Variants in CDH19 observed in about 807,000 individuals in gnomAD.
CDH19 encodes cadherin-19.
Under a neutral mutation model 64.2 loss-of-function variants are expected in CDH19, and 67 were observed. That is an observed-to-expected ratio of 1.04 (90% CI 0.86 to 1.28). CDH19 has a LOEUF of 1.28. Among genes scored for constraint, CDH19 ranks in the 50% most tolerant of loss-of-function variants. CDH19 has a pLI of 0.00. For missense variants in CDH19, 1,030 were observed against 929.0 expected (o/e 1.11, Z -1.41); for synonymous variants, 346 against 319.3 (o/e 1.08, Z -0.89).
At position 66,504,882 on chromosome 18, in the gene CDH19, AG is replaced by A. The variant is rs1393660400; in HGVS notation, c.2248del (p.Asn751MetfsTer10). ...TTTAAAGCGAGGTCCCAACTCATTA[AG>A]GTAATCATAGCTTTCATCCTGATCA... ...VSDQDESYDYLNELGPRFKRL... is the reference protein window; with the variant it reads ...VSDQDESYDYXNELGPRFKRL... On this transcript the variant is annotated frameshift_variant, in exon 12 of 12. Transcript: ENST00000262150. LOFTEE classifies it high-confidence loss of function. 2.0e-5 allele frequency: 32 copies of A among 1,613,200 alleles called. No individual in the cohort carries two copies. The highest frequency in any genetic ancestry group is 2.7e-5 in the Non-Finnish European group (32 of 1,179,552).
chr18:66,507,290 ATG>A (rs539569977), intron 11 of CDH19, among the ~76,000 whole-genome samples: 106 of 152,088 alleles, frequency 7.0e-4, no homozygotes, highest in South Asian at 4.3e-3. Flanking sequence ...GTAGGTGTAA[ATG>A]AGGAATGGAT....
chr18:66,598,102 A>C (rs936983574), intron 1 of CDH19, among the ~76,000 whole-genome samples: 6 of 152,172 alleles, frequency 3.9e-5, no homozygotes, highest in African/African-American at 1.4e-4. Context: ...ACAATGATAT[A>C]CCATCTCACG....
At chr18:66,549,788 T>C (rs1476701446) in intron 5 of CDH19, among the ~76,000 whole-genome samples, 1 of 152,148 alleles carries the variant, frequency 6.6e-6, no homozygotes, top group African/African-American at 2.4e-5. Flanking sequence ...CATTTGTGTG[T>C]GCGCACACAC....
rs750051171 is a variant in CDH19, at chr18:66,509,061, C to G, written c.1762G>C (p.Val588Leu). 1 of 1,612,748 alleles carries G rather than the reference C, an allele frequency of 6.2e-7. No homozygotes were observed. Among genetic ancestry groups the G allele is most frequent in the Non-Finnish European group, 8.5e-7 (1 of 1,179,236 alleles). The change falls in exon 11 of 12, where the codon GTG becomes CTG. Residue 588 changes from valine (V) to leucine (L), a missense_variant. Transcript: ENST00000262150. ...TCTGTCTTGAATCCCATGGAAAGCA[C>G]AAGCTCCTGGTACTGGCAGGTCTGT... ...STQTCQYQEL[V>L]LSMGFKTEVI...
intron 9 of CDH19, among the ~76,000 whole-genome samples, chr18:66,517,064 T>C (rs1985770087): frequency 6.6e-6 from 1 of 152,118 alleles, no homozygotes; most frequent in Non-Finnish European, 1.5e-5. Context: ...CCATGGGACA[T>C]CTGAGTTGTT....
intron 1 of CDH19, among the ~76,000 whole-genome samples, chr18:66,594,526 C>A (rs1201870608): frequency 6.6e-6 from 1 of 151,980 alleles, no homozygotes; most frequent in Non-Finnish European, 1.5e-5. Context: ...TAAAGCAATT[C>A]TCAACATGTT....
intron 9 of CDH19, 107 bp downstream of exon 9, chr18:66,529,738 G>T (rs1986365323): frequency 3.1e-6 from 1 of 327,824 alleles, no homozygotes; most frequent in Non-Finnish European, 5.4e-6. Flanking sequence ...GAATATTAAA[G>T]ATGTTGATAT....
chr18:66,544,827 G>A lies in CDH19; in HGVS notation c.852C>T (p.Asp284=). Residue 284 remains aspartate, a synonymous_variant, in exon 6 of 12, where the codon GAC becomes GAT. Transcript: ENST00000262150. ...AATCCATTTCTGCATTCTCTCCTAT[G>A]TCATTATCATATGCCATGATTGTTC... ...SIGTIMAYDN[D]IGENAEMDYS... The A allele has an allele frequency of 1.2e-6, 2 of 1,612,248 alleles. No homozygotes were observed. The highest frequency in any genetic ancestry group is 1.7e-6 in the Non-Finnish European group (2 of 1,178,520).
intron 3 of CDH19, among the ~76,000 whole-genome samples, chr18:66,562,017 A>C (rs1392952780): frequency 2.6e-5 from 4 of 151,974 alleles, no homozygotes; most frequent in Non-Finnish European, 4.4e-5. Flanking sequence ...GACTTTGCTT[A>C]TTTTATCAAT....
intron 5 of CDH19, among the ~76,000 whole-genome samples, chr18:66,548,173 CA>C (rs1599004376): frequency 6.9e-6 from 1 of 145,734 alleles, no homozygotes; most frequent in East Asian, 2.0e-4. Context: ...ATAATATATA[CA>C]ATGCACATTT....
intron 3 of CDH19, among the ~76,000 whole-genome samples, chr18:66,565,512 C>T (rs1987875186): frequency 2.0e-5 from 3 of 151,676 alleles, no homozygotes; most frequent in Admixed American, 2.0e-4. Flanking sequence ...AAGTAGCTGG[C>T]TAGGAAATTT....
intron 9 of CDH19, among the ~76,000 whole-genome samples, chr18:66,513,069 T>C (rs2144353553): frequency 6.6e-6 from 1 of 151,614 alleles, no homozygotes; most frequent in Non-Finnish European, 1.5e-5. Flanking sequence ...GATATCTTTA[T>C]ATGCACATTT....
chr18:66,557,210 T>C (rs1025901228), intron 3 of CDH19, among the ~76,000 whole-genome samples: 10 of 151,948 alleles, frequency 6.6e-5, no homozygotes, highest in Admixed American at 4.6e-4. Context: ...TGTGTACTCC[T>C]TACACACACC....
At chr18:66,576,858 C>A (rs1180469464) in intron 1 of CDH19, among the ~76,000 whole-genome samples, 1 of 151,720 alleles carries the variant, frequency 6.6e-6, no homozygotes, top group East Asian at 1.9e-4. Flanking sequence ...CTATAGGTAA[C>A]TTTAGCAGGG....
At chr18:66,596,742 A>G (rs1013551177) in intron 1 of CDH19, among the ~76,000 whole-genome samples, 4 of 152,120 alleles carry the variant, frequency 2.6e-5, no homozygotes, top group African/African-American at 9.7e-5. Context: ...TACAGTTTCA[A>G]TGCTATTTTT....
chr18:66,530,052 C>T (rs11873628), intron 8 of CDH19, 86 bp from the exon 9 acceptor site: 7,516 of 577,422 alleles, frequency 0.013, 355 homozygotes, highest in African/African-American at 0.11. Flanking sequence ...TTAGAGGCTA[C>T]GTGGTGTATT....
chr18:66,542,244 C>T (rs913696512), intron 7 of CDH19, among the ~76,000 whole-genome samples: 1 of 152,038 alleles, frequency 6.6e-6, no homozygotes, highest in Non-Finnish European at 1.5e-5. Flanking sequence ...TATCAGAAGG[C>T]AACATTTTAT....
chr18:66,593,982 A>G (rs1386382272), intron 1 of CDH19, among the ~76,000 whole-genome samples: 1 of 152,158 alleles, frequency 6.6e-6, no homozygotes, highest in African/African-American at 2.4e-5. Context: ...AATGGGCTAA[A>G]TGCCCCACTT....
intron 4 of CDH19, among the ~76,000 whole-genome samples, chr18:66,551,602 G>A (rs497810): frequency 0.012 from 1,764 of 151,866 alleles, 37 homozygotes; most frequent in African/African-American, 0.041. Flanking sequence ...CTTTGTCCCC[G>A]AAACTCTGAA....
Sources: gnomAD v4.1 joint callset for allele counts (sites outside exome capture counted in the v4.1 genomes callset) on GRCh38, gnomAD v4.1.1 for gene constraint, MANE v1.5 for transcripts, NCBI Gene and HGNC (gene_info 2026-07-23, HGNC 2026-07-21) for gene names.